The following ANXA2 variants were observed in gnomAD, a reference collection of about 807,000 sequenced individuals.
ANXA2 encodes the protein annexin A2, also known as annexin II.
A neutral mutation model predicts 47.3 loss-of-function variants in ANXA2; 28 were observed. The observed-to-expected ratio is 0.59, with a 90% CI of 0.44 to 0.81. The LOEUF (loss-of-function observed/expected upper bound fraction) is 0.81, where lower values mean the gene tolerates loss of function less well. ANXA2 is among the 40% of genes least tolerant of loss of function. The pLI is 0.00. For missense variants in ANXA2, 384 were observed against 414.3 expected, an observed-to-expected ratio of 0.93 and a Z score of 0.64; for synonymous variants, 172 against 155.5, an observed-to-expected ratio of 1.11 and a Z score of -0.79.
chr15:60,353,325 C>A (rs1489370658), intron 8 of ANXA2, among the ~76,000 whole-genome samples: 1 of 152,114 alleles, frequency 6.6e-6, no homozygotes, highest in Non-Finnish European at 1.5e-5. Context: ...AAGGACAGGT[C>A]TCTGCTGGCC....
At chr15:60,373,345 A>G (rs1413929073) in intron 3 of ANXA2, among the ~76,000 whole-genome samples, 3 of 152,210 alleles carry the variant, frequency 2.0e-5, no homozygotes, top group African/African-American at 7.2e-5. Flanking sequence ...GAGAGACATG[A>G]ATAACTCAGC....
intron 1 of ANXA2, chr15:60,395,879 C>T (rs1197712050): frequency 2.6e-5 from 4 of 152,180 alleles, no homozygotes; most frequent in Non-Finnish European, 4.4e-5. Flanking sequence ...ACTGCAGATG[C>T]AAGGGACATT....
intron 7 of ANXA2, among the ~76,000 whole-genome samples, chr15:60,355,137 G>T (rs2062407813): frequency 1.3e-5 from 2 of 152,188 alleles, no homozygotes; most frequent in South Asian, 2.1e-4. Context: ...GATGCAGGGA[G>T]GGTTTAGAGG....
intron 1 of ANXA2, chr15:60,397,738 C>T (rs1383081388): frequency 1.5e-6 from 1 of 650,852 alleles, no homozygotes; most frequent in Non-Finnish European, 2.2e-6. Context: ...GGCCGGTGGC[C>T]CCTCACCCCT....
chr15:60,381,449 C>G (rs766909941), intron 3 of ANXA2, among the ~76,000 whole-genome samples: 5 of 152,140 alleles, frequency 3.3e-5, no homozygotes, highest in Non-Finnish European at 7.3e-5. Flanking sequence ...TGGGACAACC[C>G]CAAGGATTGC....
chr15:60,387,919 G>A (rs1275978105), intron 1 of ANXA2, among the ~76,000 whole-genome samples: 2 of 152,150 alleles, frequency 1.3e-5, no homozygotes, highest in Non-Finnish European at 2.9e-5. Context: ...GCCGGGTGCG[G>A]TGGCTCACAC....
At chr15:60,381,499 T>G (rs905858071) in intron 3 of ANXA2, among the ~76,000 whole-genome samples, 1 of 152,184 alleles carries the variant, frequency 6.6e-6, no homozygotes. Context: ...CATCCTATTT[T>G]GTAGACCCAG....
intron 12 of ANXA2, among the ~76,000 whole-genome samples, chr15:60,348,369 T>C (rs1895824231): frequency 6.6e-6 from 1 of 152,138 alleles, no homozygotes. Flanking sequence ...GATGCTAAAC[T>C]GATTGGAGAG....
chr15:60,392,456 G>A (rs1378240589), intron 1 of ANXA2, among the ~76,000 whole-genome samples: 2 of 148,576 alleles, frequency 1.3e-5, no homozygotes, highest in Non-Finnish European at 1.5e-5. Flanking sequence ...GCTTCACTAC[G>A]AAAGTGCAGT....
At chr15:60,369,991 G>A (rs984061008) in intron 3 of ANXA2, among the ~76,000 whole-genome samples, 1 of 152,144 alleles carries the variant, frequency 6.6e-6, no homozygotes, top group African/African-American at 2.4e-5. Flanking sequence ...TCTTTCCATA[G>A]CAGCTAAGTG....
chr15:60,352,866 G>A lies in ANXA2; in HGVS notation c.589-390C>T, dbSNP rs911314282. 6.6e-6 allele frequency among the ~76,000 whole-genome samples: 1 copy of A among 152,214 alleles called. No homozygotes were observed. Among genetic ancestry groups the A allele is most frequent in the African/African-American group, 2.4e-5 (1 of 41,470 alleles). On this transcript the variant is annotated intron_variant, in intron 8 of 12. Coordinates refer to ENST00000451270, the MANE Select transcript of ANXA2 (RefSeq NM_004039.3). The surrounding 1 kb of genome is among the most constrained non-coding windows in gnomAD (Gnocchi z 4.2). ...AGCAGATGTTTACTGGACAGCTACAGACCAGGCTCTCATTCTCAAGCTTCT... is the reference window on the plus strand; with the variant it reads ...AGCAGATGTTTACTGGACAGCTACAAACCAGGCTCTCATTCTCAAGCTTCT...
At chr15:60,385,227 CT>C (rs1402759458) in intron 2 of ANXA2, among the ~76,000 whole-genome samples, 1 of 152,154 alleles carries the variant, frequency 6.6e-6, no homozygotes, top group East Asian at 1.9e-4. Context: ...AAGAAATATC[CT>C]AGCTTTTTTA....
intron 11 of ANXA2, among the ~76,000 whole-genome samples, chr15:60,349,627 A>C (rs1003693900): frequency 2.6e-5 from 4 of 152,076 alleles, no homozygotes; most frequent in Admixed American, 2.6e-4. Flanking sequence ...AGTACACCAA[A>C]ATCTCAAAAA....
intron 3 of ANXA2, among the ~76,000 whole-genome samples, chr15:60,366,257 C>T (rs969306462): frequency 5.9e-5 from 9 of 151,544 alleles, no homozygotes; most frequent in African/African-American, 1.7e-4. Flanking sequence ...CAGCCTCTGC[C>T]CGGCCGCCAC....
intron 8 of ANXA2, among the ~76,000 whole-genome samples, chr15:60,353,370 C>G (rs2062377909): frequency 6.6e-6 from 1 of 152,150 alleles, no homozygotes; most frequent in African/African-American, 2.4e-5. Context: ...AGCAGTACAC[C>G]ATCCTGTCCC....
In ANXA2 at chr15:60,352,592, T is replaced by C. The variant is rs1428689528; in HGVS notation, c.589-116A>G. On this transcript the variant is annotated intron_variant, in intron 8 of 12. Coordinates refer to ENST00000451270, the MANE Select transcript of ANXA2 (RefSeq NM_004039.3). The surrounding 1 kb of genome is among the most constrained non-coding windows in gnomAD (Gnocchi z 4.2). ...ATTCAAAATGCCAAACGAGGAAAGATGATTATACTGCAGACATGGGCAGAG... is the reference window on the plus strand; with the variant it reads ...ATTCAAAATGCCAAACGAGGAAAGACGATTATACTGCAGACATGGGCAGAG... 24 of 730,722 alleles carry C rather than the reference T, an allele frequency of 3.3e-5. No individual in the cohort carries two copies. Among genetic ancestry groups the C allele is most frequent in the African/African-American group, 7.1e-5 (4 of 56,480 alleles). The allele number at this position is 730,722 out of a possible 1,614,324, so 45.3% of individuals were successfully genotyped here.
intron 1 of ANXA2, among the ~76,000 whole-genome samples, chr15:60,394,919 C>G (rs997180246): frequency 2.0e-5 from 3 of 152,068 alleles, no homozygotes; most frequent in Non-Finnish European, 4.4e-5. Context: ...TTTTGAAGGA[C>G]TGGAATTTCC....
intron 3 of ANXA2, among the ~76,000 whole-genome samples, chr15:60,376,727 T>C (rs112679206): frequency 0.057 from 8,670 of 152,218 alleles, 385 homozygotes; most frequent in Non-Finnish European, 0.09. Flanking sequence ...CCTGCAGCCA[T>C]GCCCTGGCCA....
chr15:60,397,414 C>T (rs990040607), intron 1 of ANXA2: 1 of 712,678 alleles, frequency 1.4e-6, no homozygotes, highest in African/African-American at 1.9e-5. Flanking sequence ...CACACTCCCC[C>T]CTCTCGTCTT....
Sources: gnomAD v4.1 joint callset for allele counts (sites outside exome capture counted in the v4.1 genomes callset) on GRCh38, gnomAD v4.1.1 for gene constraint, Gnocchi (gnomAD v3.1) non-coding constraint, MANE v1.5 for transcripts, NCBI Gene and HGNC (gene_info 2026-07-23, HGNC 2026-07-21) for gene names.